ARHGAP26: variants seen among roughly 807,000 people sequenced by gnomAD.
ARHGAP26 encodes the protein rho GTPase-activating protein 26.
Under a neutral mutation model 104.8 loss-of-function variants are expected in ARHGAP26, and 38 were observed. The ratio of observed to expected loss-of-function variants is 0.36; its 90% CI spans 0.28 to 0.48. ARHGAP26 has a LOEUF of 0.48. Among genes scored for constraint, ARHGAP26 ranks in the 20% least tolerant of loss-of-function variants. The pLI, the probability that ARHGAP26 is intolerant of heterozygous loss-of-function variation, is 0.99. For synonymous variants in ARHGAP26, 341 were observed against 340.0 expected, an observed-to-expected ratio of 1.00 and a Z score of -0.03; for missense variants, 704 against 947.9, an observed-to-expected ratio of 0.74 and a Z score of 3.38.
intron 20 of ARHGAP26, among the ~76,000 whole-genome samples, chr5:143,149,086 T>C (rs927650114): frequency 2.6e-5 from 4 of 152,132 alleles, no homozygotes; most frequent in African/African-American, 4.8e-5. Context: ...TTTTTGTTTT[T>C]TAGGTGTCTA....
intron 11 of ARHGAP26, among the ~76,000 whole-genome samples, chr5:143,003,031 GC>G (rs1777404713): frequency 6.6e-6 from 1 of 152,168 alleles, no homozygotes; most frequent in Admixed American, 6.5e-5. Context: ...AAACAACAAA[GC>G]TTCCTGAATT....
Position 143,226,102 on chromosome 5 carries a change from A to T in ARHGAP26, c.*3656A>T, listed in dbSNP as rs1055975542. On this transcript the variant is annotated 3_prime_UTR_variant, in exon 23 of 23. Transcript: ENST00000645722. ...CCAGTTTCCTTTGTAAGACCCAGGGATCACTTAGCCATAGCCTGAATCTTT... is the reference window on the plus strand; with the variant it reads ...CCAGTTTCCTTTGTAAGACCCAGGGTTCACTTAGCCATAGCCTGAATCTTT... 9.8e-6 allele frequency: 2 copies of T among 205,010 alleles called. No individual in the cohort carries two copies. The highest frequency in any genetic ancestry group is 1.9e-4 in the South Asian group (1 of 5,310). The allele number at this position is 205,010 out of a possible 1,614,324, so 12.7% of individuals were successfully genotyped here. A position where few individuals can be genotyped will look rare whatever the true frequency, so the allele number is the denominator to read the frequency against.
rs1347422465 is a variant in ARHGAP26, at chr5:142,828,195, CAG to C, written c.155-45204_155-45203del. On this transcript the variant is annotated intron_variant, in intron 1 of 22. Coordinates refer to ENST00000645722, the MANE Select transcript of ARHGAP26 (RefSeq NM_001135608.3). ...GATTGTATGAAATAACAACAATACT[CAG>C]GGGATGAAGTATCTGTTAAAAATTA... is the stretch of plus-strand genomic sequence containing the variant. Among the ~76,000 whole-genome samples, 3 of 152,316 alleles carry C rather than the reference CAG, an allele frequency of 2.0e-5. No homozygotes were observed. In the East Asian group the frequency reaches 5.8e-4, roughly 29 times the overall value.
intron 11 of ARHGAP26, among the ~76,000 whole-genome samples, chr5:142,951,040 TCCCTTC>T (rs1217863308): frequency 1.8e-5 from 1 of 55,508 alleles, no homozygotes; most frequent in East Asian, 4.3e-4. Context: ...CCTTTCCCTT[TCCCTTC>T]CCCTTCCCCT....
chr5:142,869,473 C>A (rs995935216), intron 1 of ARHGAP26, among the ~76,000 whole-genome samples: 1 of 152,062 alleles, frequency 6.6e-6, no homozygotes, highest in Non-Finnish European at 1.5e-5. Context: ...CCCGCCTTGG[C>A]CTCCCGGAAC....
Position 142,894,244 on chromosome 5 carries a change from A to G in ARHGAP26, c.493A>G (p.Ser165Gly), listed in dbSNP as rs1377600736. 2 of 1,613,824 alleles carry G rather than the reference A, an allele frequency of 1.2e-6. No individual in the cohort carries two copies. The highest frequency in any genetic ancestry group is 2.2e-5 in the East Asian group (1 of 44,892). ...KKESQLQEAD[S>G]QVDLVRQHFY... is the part of the protein sequence containing the mutation. ...AATTCCATCTTGTTTGTAGGCAGAC[A>G]GCCAAGTGGACCTGGTCCGGCAGCA... Residue 165 changes from serine (S) to glycine (G), a missense_variant, in exon 6 of 23, where the codon AGC (serine) becomes GGC (glycine). Coordinates refer to ENST00000645722, the MANE Select transcript of ARHGAP26 (RefSeq NM_001135608.3).
intron 1 of ARHGAP26, among the ~76,000 whole-genome samples, chr5:142,773,229 C>T (rs1489028913): frequency 3.3e-5 from 5 of 152,098 alleles, no homozygotes; most frequent in Admixed American, 6.5e-5. Context: ...TATCTATAAA[C>T]AGAAGTGTTT....
At chr5:142,855,324 G>A (rs901290970) in intron 1 of ARHGAP26, among the ~76,000 whole-genome samples, 1 of 152,192 alleles carries the variant, frequency 6.6e-6, no homozygotes, top group Non-Finnish European at 1.5e-5. Context: ...TGCATTTAGG[G>A]TTATTGTTTT....
intron 8 of ARHGAP26, 21 bp from the exon 9 acceptor site, chr5:142,907,683 A>G (rs996535703): frequency 6.5e-7 from 1 of 1,538,620 alleles, no homozygotes; most frequent in Non-Finnish European, 8.9e-7. Context: ...TAGATATTTT[A>G]TGGGAAATAT....
chr5:142,823,116 T>A (rs1008655797), intron 1 of ARHGAP26, among the ~76,000 whole-genome samples: 4 of 152,224 alleles, frequency 2.6e-5, no homozygotes, highest in Non-Finnish European at 5.9e-5. Flanking sequence ...GCTGAGTTTC[T>A]TATAAAGTAA....
rs983356393 is a variant in ARHGAP26 at position 142,850,371 on chromosome 5, T to A, written c.155-23029T>A. ...CCTCTGACTGAATTCTTATTACAGA[T>A]GCTCTCTCTCTCTCTCTATGGTGCT... On this transcript the variant is annotated intron_variant, in intron 1 of 22. Transcript: ENST00000645722. 3.9e-5 allele frequency among the ~76,000 whole-genome samples: 6 copies of A among 152,144 alleles called. No homozygotes were observed. The South Asian group carries it at 1.2e-3, about 31-fold the overall frequency.
chr5:143,070,519 G>T (rs1788089078), intron 17 of ARHGAP26, among the ~76,000 whole-genome samples: 1 of 152,254 alleles, frequency 6.6e-6, no homozygotes, highest in Middle Eastern at 3.4e-3. Flanking sequence ...CAAACAAATG[G>T]AAAGACACCC....
At chr5:142,993,870 T>C (rs1776006926) in intron 11 of ARHGAP26, among the ~76,000 whole-genome samples, 2 of 152,002 alleles carry the variant, frequency 1.3e-5, no homozygotes, top group South Asian at 4.1e-4. Context: ...TAGGACTCCT[T>C]ATGTTGCCCA....
chr5:143,221,553 G>A (rs768377962), intron 22 of ARHGAP26, among the ~76,000 whole-genome samples: 25 of 151,960 alleles, frequency 1.6e-4, no homozygotes, highest in East Asian at 7.7e-4. Context: ...TTGCTCTGTC[G>A]CCCAGGCTGG....
intron 20 of ARHGAP26, chr5:143,166,092 C>T (rs749046103): frequency 6.1e-6 from 8 of 1,313,682 alleles, no homozygotes; most frequent in South Asian, 3.8e-5. Flanking sequence ...TCGTGATGGG[C>T]ACAAGGTGAG....
chr5:143,177,935 G>T (rs1010602168), intron 20 of ARHGAP26, among the ~76,000 whole-genome samples: 6 of 151,042 alleles, frequency 4.0e-5, no homozygotes, highest in Non-Finnish European at 7.4e-5. Flanking sequence ...CTAAATGAGG[G>T]ACACTGAGGC....
At chr5:142,784,768 A>G (rs1758204059) in intron 1 of ARHGAP26, among the ~76,000 whole-genome samples, 1 of 152,128 alleles carries the variant, frequency 6.6e-6, no homozygotes. Context: ...ATACAATTCA[A>G]TGGCTTTTAG....
In ARHGAP26 at chr5:143,087,636, C is replaced by CTTTTTTTTTTTTTTTTTTTTTT. The variant is rs35201189; in HGVS notation, c.1538+29894_1538+29915dup. On this transcript the variant is annotated intron_variant, in intron 17 of 22. Coordinates refer to ENST00000645722, the MANE Select transcript of ARHGAP26 (RefSeq NM_001135608.3). ...CTCATCTAATTAACCCTGGCCCATT[C>CTTTTTTTTTTTTTTTTTTTTTT]TTTTTTTTTTTTTTTTTTTTTTTTT... 3.3e-4 allele frequency among the ~76,000 whole-genome samples: 17 copies of CTTTTTTTTTTTTTTTTTTTTTT among 51,566 alleles called. 4 individuals are homozygous for CTTTTTTTTTTTTTTTTTTTTTT. Among genetic ancestry groups the CTTTTTTTTTTTTTTTTTTTTTT allele is most frequent in the East Asian group, 1.7e-3 (2 of 1,166 alleles). The allele number at this position is 51,566 out of a possible 152,430, so 33.8% of individuals were successfully genotyped here.
At chr5:143,164,236 C>A (rs946034010) in intron 20 of ARHGAP26, among the ~76,000 whole-genome samples, 4 of 152,088 alleles carry the variant, frequency 2.6e-5, no homozygotes, top group African/African-American at 7.2e-5. Context: ...GTTCTTTAAA[C>A]CCTGAATCAA....
Sources: allele counts gnomAD v4.1 joint callset (sites outside exome capture counted in the v4.1 genomes callset), GRCh38; gene constraint gnomAD v4.1.1; transcripts MANE v1.5; gene names NCBI Gene and HGNC (gene_info 2026-07-23, HGNC 2026-07-21).